Variants in KSR1 observed in about 807,000 individuals in gnomAD.
KSR1 encodes kinase suppressor of ras 1.
A neutral mutation model predicts 92.9 loss-of-function variants in KSR1; 35 were observed. The ratio of observed to expected loss-of-function variants is 0.38; its 90% confidence interval spans 0.29 to 0.50. KSR1 has a LOEUF of 0.50. Ranked by LOEUF, KSR1 falls within the 20% of genes least tolerant of loss-of-function variation. The pLI is 0.94. For synonymous variants in KSR1, 467 were observed against 472.6 expected, an observed-to-expected ratio of 0.99 and a Z score of 0.15; for missense variants, 972 against 1,158.5, an observed-to-expected ratio of 0.84 and a Z score of 2.34.
intron 1 of KSR1, among the ~76,000 whole-genome samples, chr17:27,457,246 A>T (rs1239112612): frequency 6.6e-6 from 1 of 151,232 alleles, no homozygotes; most frequent in Non-Finnish European, 1.5e-5. Flanking sequence ...TGAGCCGAGC[A>T]CCCGTGGGCC....
chr17:27,492,182 T>C (rs2068851990), intron 1 of KSR1, among the ~76,000 whole-genome samples: 3 of 152,054 alleles, frequency 2.0e-5, no homozygotes, highest in South Asian at 4.2e-4. Flanking sequence ...GGCTTCAAAA[T>C]AGAAATTCAT....
Position 27,550,517 on chromosome 17 carries a change from A to G in KSR1, c.232-51A>G, listed in dbSNP as rs374364289. 980 of 757,234 alleles carry G rather than the reference A, an allele frequency of 1.3e-3. 12 individuals are homozygous for G. Among genetic ancestry groups the G allele is most frequent in the South Asian group, 0.013 (930 of 74,332 alleles). 46.9% of individuals were successfully genotyped at this position (757,234 alleles called of 1,614,324 possible). On this transcript the variant is annotated intron_variant, in intron 1 of 20. Transcript: ENST00000644974. ...TCTGTAGTGTGCTTGGGCCTGCCAT[A>G]TGGTTGGGCTGCAGATGAACACAGG...
chr17:27,601,473 C>G, intron 11 of KSR1, 72 bp downstream of exon 11: 1 of 1,320,114 alleles, frequency 7.6e-7, no homozygotes. Context: ...CTGGGCAGGG[C>G]GCCCTCTCTC....
Position 27,496,941 on chromosome 17 carries a change from A to G in KSR1, c.231+40067A>G, listed in dbSNP as rs931831325. 2.6e-5 allele frequency among the ~76,000 whole-genome samples: 4 copies of G among 152,208 alleles called. No individual in the cohort carries two copies. In the East Asian group the frequency reaches 5.8e-4, roughly 22 times the overall value. On this transcript the variant is annotated intron_variant, in intron 1 of 20. Transcript: ENST00000644974. ...GAACTCTGAGGTTCAGCTTTCATCA[A>G]TTGCACTCAGTTTTAAAAGCTCACA...
intron 2 of KSR1, among the ~76,000 whole-genome samples, chr17:27,565,630 G>T (rs1392210619): frequency 6.6e-6 from 1 of 152,076 alleles, no homozygotes; most frequent in Non-Finnish European, 1.5e-5. Context: ...TTGCCATGTT[G>T]CCCAGGCTGG....
At chr17:27,544,788 T>C (rs1410788076) in intron 1 of KSR1, among the ~76,000 whole-genome samples, 1 of 152,236 alleles carries the variant, frequency 6.6e-6, no homozygotes. Context: ...GGTCCCCTTT[T>C]AGGCCCCCAG....
chr17:27,582,989 G>GC lies in KSR1; in HGVS notation c.872dup (p.Pro292ThrfsTer22), dbSNP rs750491454. ...ACACCAAGCTGAAGCCACCACGGACGCCCCCCCCACCCAGCCGCAAGGTCT... is the reference window on the plus strand; with the variant it reads ...ACACCAAGCTGAAGCCACCACGGACGCCCCCCCCCACCCAGCCGCAAGGTCT... On this transcript the variant is annotated frameshift_variant, in exon 4 of 21. Transcript: ENST00000644974. LOFTEE classifies it high-confidence loss of function. 9.3e-5 allele frequency: 145 copies of GC among 1,560,646 alleles called. No homozygotes were observed. The highest frequency in any genetic ancestry group is 1.4e-4 in the South Asian group (12 of 88,784).
chr17:27,584,936 A>G (rs1376614482), intron 4 of KSR1, among the ~76,000 whole-genome samples: 2 of 152,016 alleles, frequency 1.3e-5, no homozygotes, highest in East Asian at 3.9e-4. Flanking sequence ...GCCAACTGAT[A>G]GTTATTTTTT....
At chr17:27,511,841 C>T (rs1422544568) in intron 1 of KSR1, among the ~76,000 whole-genome samples, 1 of 152,236 alleles carries the variant, frequency 6.6e-6, no homozygotes, top group Non-Finnish European at 1.5e-5. Context: ...TTGTTTGCTT[C>T]CTGCCACACG....
At chr17:27,504,285 T>C (rs1329020874) in intron 1 of KSR1, among the ~76,000 whole-genome samples, 1 of 152,200 alleles carries the variant, frequency 6.6e-6, no homozygotes, top group Non-Finnish European at 1.5e-5. Flanking sequence ...AGCCGGCCAT[T>C]CTTACCCACC....
intron 2 of KSR1, among the ~76,000 whole-genome samples, chr17:27,560,876 C>A (rs184808010): frequency 2.0e-5 from 3 of 152,342 alleles, no homozygotes; most frequent in African/African-American, 4.8e-5. Context: ...CACACACCCT[C>A]ACCCAGCCTC....
chr17:27,566,513 A>G (rs1053926080), intron 2 of KSR1: 1 of 398,986 alleles, frequency 2.5e-6, no homozygotes, highest in Non-Finnish European at 4.4e-6. Context: ...CAGGGCCCCC[A>G]CCTCTGGGGA....
intron 6 of KSR1, among the ~76,000 whole-genome samples, chr17:27,590,590 A>G (rs1469685257): frequency 6.6e-6 from 1 of 152,204 alleles, no homozygotes; most frequent in Admixed American, 6.5e-5. Context: ...GACCACACCA[A>G]CTTCAGCATA....
At chr17:27,545,452 A>T (rs1206829408) in intron 1 of KSR1, among the ~76,000 whole-genome samples, 1 of 152,184 alleles carries the variant, frequency 6.6e-6, no homozygotes, top group African/African-American at 2.4e-5. Flanking sequence ...TTGGGAAGCT[A>T]ACACAAGAGG....
intron 1 of KSR1, among the ~76,000 whole-genome samples, chr17:27,519,490 G>A (rs142131534): frequency 2.6e-5 from 4 of 152,246 alleles, no homozygotes; most frequent in African/African-American, 4.8e-5. Context: ...CTATCATGTC[G>A]GCATAGTTTC....
intron 1 of KSR1, among the ~76,000 whole-genome samples, chr17:27,505,633 A>T (rs1326617783): frequency 6.6e-6 from 1 of 152,168 alleles, no homozygotes; most frequent in Non-Finnish European, 1.5e-5. Flanking sequence ...TAAAATGGGG[A>T]TGGTAGCAGT....
chr17:27,464,314 C>G (rs1477539418), intron 1 of KSR1, among the ~76,000 whole-genome samples: 1 of 152,174 alleles, frequency 6.6e-6, no homozygotes, highest in Non-Finnish European at 1.5e-5. Flanking sequence ...GCTGGCTCAG[C>G]CCGAATGAAC....
intron 1 of KSR1, among the ~76,000 whole-genome samples, chr17:27,512,683 A>C (rs1206871071): frequency 6.6e-6 from 1 of 152,238 alleles, no homozygotes; most frequent in African/African-American, 2.4e-5. Context: ...AGATCACGCC[A>C]CTGCACTCCA....
At chr17:27,467,409 C>A (rs1045378538) in intron 1 of KSR1, among the ~76,000 whole-genome samples, 1 of 152,208 alleles carries the variant, frequency 6.6e-6, no homozygotes, top group Admixed American at 6.5e-5. Context: ...AATTAACTCA[C>A]AACATATAGA....
Sources: gnomAD v4.1 joint callset for allele counts (sites outside exome capture counted in the v4.1 genomes callset) on GRCh38, gnomAD v4.1.1 for gene constraint, MANE v1.5 for transcripts, NCBI Gene and HGNC (gene_info 2026-07-23, HGNC 2026-07-21) for gene names.